Variants in RGS6 observed in about 807,000 individuals in gnomAD.
RGS6 encodes the protein regulator of G-protein signaling 6.
A neutral mutation model predicts 78.5 loss-of-function variants in RGS6; 30 were observed. The ratio of observed to expected loss-of-function variants is 0.38; its 90% CI spans 0.29 to 0.52. The LOEUF (loss-of-function observed/expected upper bound fraction) is 0.52. Ranked by LOEUF, RGS6 falls within the 20% of genes least tolerant of loss-of-function variation. The pLI is 0.85. For synonymous variants in RGS6, 206 were observed against 206.0 expected (o/e 1.00, Z 0.00); for missense variants, 495 against 609.7 (o/e 0.81, Z 1.98).
intron 2 of RGS6, among the ~76,000 whole-genome samples, chr14:72,260,145 A>G (rs191832831): frequency 1.3e-5 from 2 of 152,284 alleles, no homozygotes; most frequent in East Asian, 1.9e-4. Context: ...TTTTAACTGT[A>G]TAAAGTTTGA....
the RGS6 span, among the ~76,000 whole-genome samples, chr14:71,926,219 GA>G: frequency 1.3e-5 from 2 of 152,088 alleles, no homozygotes; most frequent in Non-Finnish European, 2.9e-5. Context: ...CAATCTTGAA[GA>G]AAAAAAGCAA....
At chr14:72,582,823 T>C in the RGS6 span, among the ~76,000 whole-genome samples, 144 of 152,206 alleles carry the variant, frequency 9.5e-4, 1 homozygote, top group Middle Eastern at 0.01. Flanking sequence ...GGTGTGATGA[T>C]TGATTTTAGG....
chr14:72,114,084 A>T (rs1261366545), intron 2 of RGS6, among the ~76,000 whole-genome samples: 2 of 152,172 alleles, frequency 1.3e-5, no homozygotes, highest in Non-Finnish European at 2.9e-5. Flanking sequence ...TTGCTTCTGA[A>T]TGGCTGCCAG....
intron 2 of RGS6, among the ~76,000 whole-genome samples, chr14:72,152,495 G>C (rs2096709165): frequency 6.6e-6 from 1 of 152,132 alleles, no homozygotes; most frequent in Non-Finnish European, 1.5e-5. Flanking sequence ...GAGACCACTT[G>C]GTTCAGCTCT....
chr14:72,605,910 C>A, the RGS6 span, among the ~76,000 whole-genome samples: 2 of 152,236 alleles, frequency 1.3e-5, no homozygotes, highest in South Asian at 4.2e-4. Context: ...CAAACTGTTG[C>A]GTGTTTTTTG....
At chr14:72,554,651 A>G (rs1447187988) in intron 17 of RGS6, among the ~76,000 whole-genome samples, 3 of 152,136 alleles carry the variant, frequency 2.0e-5, no homozygotes, top group Admixed American at 6.5e-5. Context: ...TACAGGCAGA[A>G]TGCCACCCTC....
chr14:72,609,385 A>C, the RGS6 span, among the ~76,000 whole-genome samples: 35 of 152,324 alleles, frequency 2.3e-4, no homozygotes, highest in African/African-American at 7.5e-4. Context: ...AGGAGTCCAC[A>C]TCAGGTGTGG....
the RGS6 span, among the ~76,000 whole-genome samples, chr14:72,585,003 T>C: frequency 5.3e-5 from 8 of 152,132 alleles, no homozygotes; most frequent in East Asian, 1.4e-3. Context: ...AGTCAGGAGC[T>C]AGATGCAAAG....
chr14:72,209,671 A>C (rs1214727621), intron 2 of RGS6, among the ~76,000 whole-genome samples: 1 of 152,166 alleles, frequency 6.6e-6, no homozygotes, highest in Non-Finnish European at 1.5e-5. Context: ...CCAGGAGAAA[A>C]GCACTGAGTA....
At chr14:72,090,894 GTA>G (rs2095247131) in intron 2 of RGS6, among the ~76,000 whole-genome samples, 3 of 152,166 alleles carry the variant, frequency 2.0e-5, no homozygotes, top group Admixed American at 6.5e-5. Context: ...CTCCTCCCCA[GTA>G]GCTCTCATTT....
chr14:72,007,048 A>T (rs1287736292), intron 2 of RGS6, among the ~76,000 whole-genome samples: 1 of 152,188 alleles, frequency 6.6e-6, no homozygotes, highest in Admixed American at 6.5e-5. Context: ...AAGAAAAATT[A>T]ACAACACTGT....
chr14:72,281,826 G>T (rs1595247503), intron 2 of RGS6, among the ~76,000 whole-genome samples: 1 of 152,150 alleles, frequency 6.6e-6, no homozygotes, highest in Non-Finnish European at 1.5e-5. Context: ...GTTAATTCAT[G>T]CATCTGGAAA....
At chr14:72,382,956 A>G (rs2086587381) in intron 3 of RGS6, among the ~76,000 whole-genome samples, 1 of 152,016 alleles carries the variant, frequency 6.6e-6, no homozygotes, top group African/African-American at 2.4e-5. Context: ...GGGAAAGTAG[A>G]CAACAAGAAA....
intron 1 of RGS6, 59 bp from the exon 2 acceptor site, chr14:71,964,713 C>T: frequency 8.4e-7 from 1 of 1,189,572 alleles, no homozygotes; most frequent in South Asian, 1.5e-5. Context: ...CTTTGCATTT[C>T]AAAGCCCTCT....
intron 2 of RGS6, among the ~76,000 whole-genome samples, chr14:72,002,063 T>G (rs916798706): frequency 5.9e-5 from 9 of 151,882 alleles, no homozygotes; most frequent in African/African-American, 2.2e-4. Flanking sequence ...CCACCATGCC[T>G]GGCTAATTTT....
chr14:72,234,767 A>G (rs539468364), intron 2 of RGS6, among the ~76,000 whole-genome samples: 1 of 152,142 alleles, frequency 6.6e-6, no homozygotes, highest in East Asian at 1.9e-4. Context: ...CATTTTCCTC[A>G]TGGACCCTCA....
chr14:72,351,005 T>C (rs1483153253), intron 2 of RGS6, among the ~76,000 whole-genome samples: 3 of 152,294 alleles, frequency 2.0e-5, no homozygotes, highest in Admixed American at 1.3e-4. Flanking sequence ...ATCAAACAAG[T>C]TATTAGTCAT....
chr14:72,350,858 A>C (rs1477670412), intron 2 of RGS6, among the ~76,000 whole-genome samples: 1 of 152,202 alleles, frequency 6.6e-6, no homozygotes, highest in Non-Finnish European at 1.5e-5. Context: ...TATGAGGACT[A>C]AACAGGATAA....
chr14:72,604,736 G>C, the RGS6 span, among the ~76,000 whole-genome samples: 24 of 152,142 alleles, frequency 1.6e-4, no homozygotes, highest in Non-Finnish European at 3.1e-4. Context: ...CCCCAGGGAG[G>C]CTCTCTGGAA....
Sources: allele counts gnomAD v4.1 joint callset (sites outside exome capture counted in the v4.1 genomes callset), GRCh38; gene constraint gnomAD v4.1.1; transcripts MANE v1.5; gene names NCBI Gene and HGNC (gene_info 2026-07-23, HGNC 2026-07-21).